The following RBFOX1 variants were observed in gnomAD, a reference collection of about 807,000 sequenced individuals.
RBFOX1 encodes the protein RNA binding protein fox-1 homolog 1.
Under a neutral mutation model 57.7 loss-of-function variants are expected in RBFOX1, and 8 were observed. That is an observed-to-expected ratio of 0.14 (90% CI 0.08 to 0.25). The LOEUF (loss-of-function observed/expected upper bound fraction) is 0.25, where lower values mean the gene tolerates loss of function less well. RBFOX1 is among the 10% of genes least tolerant of loss of function. The pLI is 1.00. For synonymous variants in RBFOX1, 326 were observed against 222.4 expected, an observed-to-expected ratio of 1.47 and a Z score of -4.15; for missense variants, 611 against 548.5, an observed-to-expected ratio of 1.11 and a Z score of -1.14.
intron 2 of RBFOX1, among the ~76,000 whole-genome samples, chr16:6,407,951 G>C (rs1179200533): frequency 1.3e-5 from 2 of 152,150 alleles, no homozygotes; most frequent in Non-Finnish European, 2.9e-5. Context: ...AAGAGCTGGA[G>C]GCTTTAGGAG....
chr16:5,589,430 G>A (rs955472393), intron 2 of RBFOX1, among the ~76,000 whole-genome samples: 2 of 152,158 alleles, frequency 1.3e-5, no homozygotes, highest in African/African-American at 2.4e-5. Flanking sequence ...ATGAGGATGA[G>A]CGTTCTCTTT....
chr16:5,722,688 C>G (rs1382773932), intron 3 of RBFOX1, among the ~76,000 whole-genome samples: 1 of 152,176 alleles, frequency 6.6e-6, no homozygotes, highest in East Asian at 1.9e-4. Flanking sequence ...AGGACTTTCT[C>G]AAACATACCC....
chr16:6,704,325 C>T (rs896182333), intron 3 of RBFOX1: 1 of 152,206 alleles, frequency 6.6e-6, no homozygotes, highest in South Asian at 2.1e-4. Flanking sequence ...AATTCAGACC[C>T]CACTTTGTAG....
chr16:6,378,097 C>T (rs1002136683), intron 2 of RBFOX1, among the ~76,000 whole-genome samples: 9 of 152,330 alleles, frequency 5.9e-5, no homozygotes, highest in South Asian at 2.1e-4. Flanking sequence ...ACCCTGTGCC[C>T]GCCTAAGATG....
chr16:5,278,189 A>G (rs1444302996), intron 1 of RBFOX1, among the ~76,000 whole-genome samples: 1 of 152,160 alleles, frequency 6.6e-6, no homozygotes, highest in Admixed American at 6.5e-5. Context: ...CTTTTTAATA[A>G]TAGCCATTCT....
At chr16:5,444,285 C>A (rs190741850) in intron 1 of RBFOX1, among the ~76,000 whole-genome samples, 2 of 152,180 alleles carry the variant, frequency 1.3e-5, no homozygotes, top group Non-Finnish European at 2.9e-5. Flanking sequence ...CTTCTGATGA[C>A]CTCATTGCAA....
intron 2 of RBFOX1, among the ~76,000 whole-genome samples, chr16:6,516,319 T>A (rs561840422): frequency 6.6e-6 from 1 of 152,254 alleles, no homozygotes; most frequent in African/African-American, 2.4e-5. Context: ...TGTGTGAGTT[T>A]AGATAAGCTG....
chr16:5,241,895 G>A lies in RBFOX1; in HGVS notation c.219+1790G>A, dbSNP rs1313990187. 4.0e-5 allele frequency among the ~76,000 whole-genome samples: 6 copies of A among 150,578 alleles called. No homozygotes were observed. The East Asian group carries it at 9.7e-4, about 24-fold the overall frequency. ...GGGGGAGGATCGCTTGAGTCCAGGA[G>A]TTTAAGACCAGCCTGGGCAACGTGG... is the stretch of plus-strand genomic sequence containing the variant. On this transcript the variant is annotated intron_variant, in intron 1 of 2. Coordinates refer to the RBFOX1 transcript ENST00000585867.
chr16:6,204,448 G>A (rs1210890543), intron 1 of RBFOX1, among the ~76,000 whole-genome samples: 1 of 152,098 alleles, frequency 6.6e-6, no homozygotes, highest in Non-Finnish European at 1.5e-5. Flanking sequence ...AACTTGCTAG[G>A]CACTTGGGAG....
chr16:6,628,177 C>G lies in RBFOX1; in HGVS notation c.-63-26426C>G, dbSNP rs563967525. 3.9e-5 allele frequency among the ~76,000 whole-genome samples: 6 copies of G among 152,322 alleles called. No homozygotes were observed. The South Asian group carries it at 1.2e-3, about 32-fold the overall frequency. On this transcript the variant is annotated intron_variant, in intron 2 of 15. Coordinates refer to ENST00000550418, the MANE Select transcript of RBFOX1 (RefSeq NM_018723.4). ...GTTACCTTCTGCCTCTTCCTGCTTA[C>G]GGGTACCTTGGTCATCTCACCAGTC...
intron 4 of RBFOX1, among the ~76,000 whole-genome samples, chr16:7,292,519 A>C (rs1196115479): frequency 8.9e-6 from 1 of 112,964 alleles, no homozygotes; most frequent in Non-Finnish European, 1.8e-5. Context: ...AATATATATA[A>C]TACTATATGT....
chr16:6,143,938 GGT>G (rs969099407), intron 1 of RBFOX1, among the ~76,000 whole-genome samples: 3 of 146,350 alleles, frequency 2.0e-5, no homozygotes, highest in Non-Finnish European at 3.0e-5. Flanking sequence ...TGGGACTGCA[GGT>G]GTGCAACACC....
intron 3 of RBFOX1, chr16:6,774,068 C>A: frequency 1.1e-6 from 1 of 901,954 alleles, no homozygotes; most frequent in Non-Finnish European, 1.3e-6. Context: ...TCTGATTTCC[C>A]ATTAATTTCC....
At chr16:5,687,353 C>T (rs762572580) in intron 3 of RBFOX1, among the ~76,000 whole-genome samples, 5 of 152,050 alleles carry the variant, frequency 3.3e-5, no homozygotes, top group Admixed American at 6.6e-5. Flanking sequence ...GCTTACCACT[C>T]CCTCCCCACC....
chr16:6,649,004 C>T (rs2098555452), intron 2 of RBFOX1, among the ~76,000 whole-genome samples: 1 of 151,740 alleles, frequency 6.6e-6, no homozygotes, highest in African/African-American at 2.4e-5. Context: ...TTCAAGATTA[C>T]AACATGTTGT....
chr16:6,972,875 A>G (rs1397019195), intron 3 of RBFOX1, among the ~76,000 whole-genome samples: 1 of 152,124 alleles, frequency 6.6e-6, no homozygotes, highest in Non-Finnish European at 1.5e-5. Flanking sequence ...TGTTATCACA[A>G]CACTTTGGGA....
intron 1 of RBFOX1, among the ~76,000 whole-genome samples, chr16:6,086,409 G>T (rs936729760): frequency 6.6e-6 from 1 of 152,182 alleles, no homozygotes; most frequent in Admixed American, 6.5e-5. Context: ...AATCCACTCT[G>T]AGTCAGTTCT....
At chr16:5,252,065 C>A (rs188874391) in intron 1 of RBFOX1, among the ~76,000 whole-genome samples, 2 of 152,146 alleles carry the variant, frequency 1.3e-5, no homozygotes, top group East Asian at 1.9e-4. Context: ...CAGCATCCTG[C>A]TTCATTAGGA....
intron 1 of RBFOX1, among the ~76,000 whole-genome samples, chr16:5,274,378 A>T (rs1371384208): frequency 2.6e-5 from 4 of 151,990 alleles, no homozygotes; most frequent in African/African-American, 9.7e-5. Flanking sequence ...AAAATACAAA[A>T]ATTAGCCAGG....
Sources: gnomAD v4.1 joint callset for allele counts (sites outside exome capture counted in the v4.1 genomes callset) on GRCh38, gnomAD v4.1.1 for gene constraint, MANE v1.5 for transcripts, NCBI Gene and HGNC (gene_info 2026-07-23, HGNC 2026-07-21) for gene names.